GRXCR1: variants seen among roughly 807,000 people sequenced by gnomAD.
The protein encoded by GRXCR1 is glutaredoxin and cysteine rich domain containing 1.
A neutral mutation model predicts 27.3 loss-of-function variants in GRXCR1; 27 were observed. That is an observed-to-expected ratio of 0.99 (90% CI 0.73 to 1.37). GRXCR1 has a LOEUF of 1.37. Ranked by LOEUF, GRXCR1 falls within the 40% of genes most tolerant of loss-of-function variation. The pLI, the probability that GRXCR1 is intolerant of heterozygous loss-of-function variation, is 0.00. For synonymous variants in GRXCR1, 122 were observed against 131.1 expected, an observed-to-expected ratio of 0.93 and a Z score of 0.47; for missense variants, 379 against 354.4, an observed-to-expected ratio of 1.07 and a Z score of -0.56.
chr4:42,981,751 T>C (rs1328920875), intron 2 of GRXCR1, among the ~76,000 whole-genome samples: 1 of 152,170 alleles, frequency 6.6e-6, no homozygotes, highest in Non-Finnish European at 1.5e-5. Context: ...TAATGTATCA[T>C]CCCCACTCTC....
At chr4:42,992,686 C>A (rs10008690) in intron 2 of GRXCR1, among the ~76,000 whole-genome samples, 1 of 151,856 alleles carries the variant, frequency 6.6e-6, no homozygotes, top group African/African-American at 2.4e-5. Context: ...TCCAAGCATA[C>A]GACATGGTAA....
At chr4:42,992,919 T>C (rs1293908874) in intron 2 of GRXCR1, among the ~76,000 whole-genome samples, 1 of 152,132 alleles carries the variant, frequency 6.6e-6, no homozygotes, top group Non-Finnish European at 1.5e-5. Context: ...TACATTTCAT[T>C]GTTTACATTA....
At chr4:42,965,957 A>C (rs979590457) in intron 2 of GRXCR1, among the ~76,000 whole-genome samples, 1 of 152,008 alleles carries the variant, frequency 6.6e-6, no homozygotes, top group African/African-American at 2.4e-5. Context: ...GACAAGAAGA[A>C]TTACAAGGAC....
chr4:42,959,857 C>T (rs1210462747), intron 1 of GRXCR1, among the ~76,000 whole-genome samples: 4 of 151,820 alleles, frequency 2.6e-5, no homozygotes, highest in Admixed American at 1.3e-4. Context: ...CCTGGTGATT[C>T]TTATTTAATT....
At chr4:43,017,424 G>A (rs191632331) in intron 2 of GRXCR1, among the ~76,000 whole-genome samples, 19 of 152,308 alleles carry the variant, frequency 1.2e-4, no homozygotes, top group African/African-American at 4.6e-4. Context: ...TTAACAGAAA[G>A]ACTCTGGGCA....
At chr4:42,981,244 CTT>C (rs1350610739) in intron 2 of GRXCR1, among the ~76,000 whole-genome samples, 2 of 150,990 alleles carry the variant, frequency 1.3e-5, no homozygotes. Context: ...TATCATGAGA[CTT>C]ATAAAAAACA....
At chr4:43,012,863 T>C (rs558047885) in intron 2 of GRXCR1, among the ~76,000 whole-genome samples, 8 of 152,212 alleles carry the variant, frequency 5.3e-5, no homozygotes, top group Non-Finnish European at 8.8e-5. Context: ...AAAAATCAAA[T>C]AATCCCGTTA....
At chr4:43,001,358 G>C (rs186338774) in intron 2 of GRXCR1, among the ~76,000 whole-genome samples, 8 of 152,238 alleles carry the variant, frequency 5.3e-5, no homozygotes, top group African/African-American at 1.9e-4. Context: ...ATAATTGGGC[G>C]TAGGGCTTGA....
intron 2 of GRXCR1, among the ~76,000 whole-genome samples, chr4:42,999,678 T>G (rs16855182): frequency 0.065 from 9,898 of 152,272 alleles, 505 homozygotes; most frequent in African/African-American, 0.14. Context: ...TTCCTTAAAG[T>G]CTGATTGCTT....
chr4:42,942,088 T>C (rs925286536), intron 1 of GRXCR1, among the ~76,000 whole-genome samples: 3 of 152,044 alleles, frequency 2.0e-5, no homozygotes, highest in South Asian at 2.1e-4. Context: ...GCTAAAATTA[T>C]CTGTGTGGGA....
chr4:43,001,395 C>T (rs959554699), intron 2 of GRXCR1, among the ~76,000 whole-genome samples: 6 of 152,036 alleles, frequency 3.9e-5, no homozygotes, highest in Non-Finnish European at 5.9e-5. Context: ...AGGTCAAGCT[C>T]GCTCTCTTAT....
intron 2 of GRXCR1, 150 bp downstream of exon 2, chr4:42,963,284 G>A: frequency 1.1e-6 from 1 of 870,450 alleles, no homozygotes; most frequent in Non-Finnish European, 1.9e-6. Context: ...ACTTATTTCT[G>A]TCCCAGACAA....
Position 42,893,515 on chromosome 4 carries a change from A to G in GRXCR1, c.249A>G (p.Leu83=). The change falls in exon 1 of 4, where the codon TTA becomes TTG. Residue 83 remains leucine (L), a synonymous_variant. Coordinates refer to ENST00000399770, the MANE Select transcript of GRXCR1 (RefSeq NM_001080476.3). ...NENDQDSLLV[L]ARAASEKGFG... ...ATGACCAGGATAGCTTGCTGGTGTTAGCAAGGGCTGCCAGTGAGAAGGGTT... is the reference window on the plus strand; with the variant it reads ...ATGACCAGGATAGCTTGCTGGTGTTGGCAAGGGCTGCCAGTGAGAAGGGTT... 1 of 1,613,900 alleles carries G rather than the reference A, an allele frequency of 6.2e-7. No homozygotes were observed. Among genetic ancestry groups the G allele is most frequent in the East Asian group, 2.2e-5 (1 of 44,846 alleles).
At chr4:42,934,254 ATATG>A (rs904949972) in intron 1 of GRXCR1, among the ~76,000 whole-genome samples, 27 of 149,214 alleles carry the variant, frequency 1.8e-4, no homozygotes, top group African/African-American at 6.1e-4. Flanking sequence ...ATATATATAT[ATATG>A]TATATATGTA....
chr4:42,899,824 A>G (rs962693098), intron 1 of GRXCR1, among the ~76,000 whole-genome samples: 4 of 152,196 alleles, frequency 2.6e-5, no homozygotes, highest in African/African-American at 9.6e-5. Flanking sequence ...TCTTTGTATC[A>G]TGACATTTTA....
In GRXCR1 at chr4:42,962,940, T is replaced by G. The variant is rs374108101; in HGVS notation, c.433T>G (p.Cys145Gly). Residue 145 changes from cysteine to glycine, a missense_variant, in exon 2 of 4, where the codon TGC becomes GGC. Cys to Gly is a radical substitution (Grantham distance 159). Coordinates refer to ENST00000399770, the MANE Select transcript of GRXCR1 (RefSeq NM_001080476.3). The stretch of plus-strand genomic sequence containing the variant: ...TGACCGTGTAGTGATTTATACCACC[T>G]GCCTTCGTGTGGTCCGGACAACCTT... ...EFDRVVIYTT[C>G]LRVVRTTFER... 1.2e-6 allele frequency: 2 copies of G among 1,612,136 alleles called. No individual in the cohort carries two copies. The highest frequency in any genetic ancestry group is 1.7e-6 in the Non-Finnish European group (2 of 1,178,464).
chr4:43,014,070 A>C (rs1712855394), intron 2 of GRXCR1, among the ~76,000 whole-genome samples: 1 of 151,408 alleles, frequency 6.6e-6, no homozygotes, highest in Non-Finnish European at 1.5e-5. Flanking sequence ...AAAAAAAAAA[A>C]AGTCAACTAG....
chr4:42,992,768 G>C (rs1352615860), intron 2 of GRXCR1, among the ~76,000 whole-genome samples: 1 of 152,028 alleles, frequency 6.6e-6, no homozygotes, highest in Non-Finnish European at 1.5e-5. Context: ...TGTGAGTGAT[G>C]ATAAAATTAG....
At chr4:42,982,048 T>C (rs1268573854) in intron 2 of GRXCR1, among the ~76,000 whole-genome samples, 2 of 128,904 alleles carry the variant, frequency 1.6e-5, no homozygotes, top group East Asian at 2.2e-4. Flanking sequence ...TGTCTTTCTT[T>C]CTCCTTCTTT....
Sources: gnomAD v4.1 joint callset for allele counts (sites outside exome capture counted in the v4.1 genomes callset) on GRCh38, gnomAD v4.1.1 for gene constraint, MANE v1.5 for transcripts, NCBI Gene and HGNC (gene_info 2026-07-23, HGNC 2026-07-21) for gene names.